The following DENND4A variants were observed in gnomAD, a reference collection of about 807,000 sequenced individuals.
DENND4A encodes the protein C-myc promoter-binding protein.
In DENND4A, 70 loss-of-function variants were observed where a neutral mutation model predicts 199.3. That is an observed-to-expected ratio of 0.35 (90% CI 0.29 to 0.43). DENND4A has a LOEUF of 0.43. Ranked by LOEUF, DENND4A falls within the 20% of genes least tolerant of loss-of-function variation. The probability of loss-of-function intolerance (pLI) is 1.00; values close to 1 mark genes in which losing one functional copy is unlikely to be tolerated. For synonymous variants in DENND4A, 686 were observed against 766.9 expected, an observed-to-expected ratio of 0.89 and a Z score of 1.74; for missense variants, 1,723 against 2,255.8, an observed-to-expected ratio of 0.76 and a Z score of 4.78.
intron 3 of DENND4A, among the ~76,000 whole-genome samples, chr15:65,752,872 C>A (rs1472820399): frequency 1.3e-5 from 2 of 152,088 alleles, no homozygotes; most frequent in Non-Finnish European, 2.9e-5. Flanking sequence ...GAGAAAGGTA[C>A]AATTAAATGT....
chr15:65,683,796 G>A (rs905234118), intron 23 of DENND4A, among the ~76,000 whole-genome samples: 12 of 152,080 alleles, frequency 7.9e-5, no homozygotes, highest in African/African-American at 2.9e-4. Context: ...AATAATCTTT[G>A]TAGTAAATTT....
chr15:65,719,516 C>G (rs1042717130), intron 12 of DENND4A, among the ~76,000 whole-genome samples: 1 of 151,972 alleles, frequency 6.6e-6, no homozygotes, highest in Admixed American at 6.6e-5. Flanking sequence ...AATAATGGGA[C>G]AAAGCAAAAT....
In DENND4A at chr15:65,670,072, A is replaced by C. The variant is rs1346149874; in HGVS notation, c.4581T>G (p.Cys1527Trp). The change falls in exon 26 of 33, where the codon TGT becomes TGG. Residue 1527 changes from cysteine to tryptophan, a missense_variant. Around this residue, in one of 6 missense-constraint regions of DENND4A, gnomAD observed 141 missense variants for 170.7 expected, o/e 0.83. Coordinates refer to ENST00000443035, the MANE Select transcript of DENND4A (RefSeq NM_001320835.1). The part of the protein sequence containing the change: ...DSNLNTTCPF[C>W]GNIFLPFLNI... ...TCAGAAAGGGTAAGAAGATATTGCC[A>C]CAGAATGGGCATGTAGTATTGAGAT... is the stretch of plus-strand genomic sequence containing the variant. 1 of 1,604,588 alleles carries C rather than the reference A, an allele frequency of 6.2e-7. No homozygotes were observed. Among genetic ancestry groups the C allele is most frequent in the Non-Finnish European group, 8.5e-7 (1 of 1,174,944 alleles).
At chr15:65,741,114 G>T (rs1039964955) in intron 5 of DENND4A, among the ~76,000 whole-genome samples, 1 of 152,030 alleles carries the variant, frequency 6.6e-6, no homozygotes, top group African/African-American at 2.4e-5. Context: ...TAAAGATGGG[G>T]TCTATGTTGC....
chr15:65,677,054 TGATTA>T (rs1350709508), intron 23 of DENND4A, among the ~76,000 whole-genome samples: 6 of 152,222 alleles, frequency 3.9e-5, no homozygotes, highest in African/African-American at 1.4e-4. Flanking sequence ...AATCTTTTTC[TGATTA>T]TATTAAAAAT....
intron 11 of DENND4A, chr15:65,725,989 T>C (rs1453620276): frequency 6.6e-6 from 1 of 152,140 alleles, no homozygotes; most frequent in Non-Finnish European, 1.5e-5. Flanking sequence ...CTCCACCGGT[T>C]TGGGAGGGTG....
At chr15:65,731,044 A>G (rs901135849) in intron 9 of DENND4A, among the ~76,000 whole-genome samples, 52 of 152,056 alleles carry the variant, frequency 3.4e-4, no homozygotes, top group Admixed American at 1.5e-3. Context: ...AATAATCTGC[A>G]ATTCTTACAA....
intron 1 of DENND4A, among the ~76,000 whole-genome samples, chr15:65,764,971 CCAAA>C (rs2076944402): frequency 2.2e-5 from 2 of 89,132 alleles, no homozygotes. Context: ...GACCCTGTCT[CCAAA>C]AAAAAAAAAA....
At chr15:65,728,302 C>A (rs1386190059) in intron 11 of DENND4A, among the ~76,000 whole-genome samples, 2 of 151,674 alleles carry the variant, frequency 1.3e-5, no homozygotes, top group Admixed American at 1.3e-4. Context: ...CACGCCCAGT[C>A]TATATTTAAG....
rs750180940 is a variant in DENND4A, at chr15:65,669,937, A to G, written c.4641-12T>C. 6.2e-7 allele frequency: 1 copy of G among 1,611,978 alleles called. No homozygotes were observed. The highest frequency in any genetic ancestry group is 8.5e-7 in the Non-Finnish European group (1 of 1,178,428). On this transcript the variant is annotated splice_polypyrimidine_tract_variant and intron_variant, in intron 26 of 32. Coordinates refer to ENST00000443035, the MANE Select transcript of DENND4A (RefSeq NM_001320835.1). ...ACTTTAGAAAGTATCTGTAATGTGAATCGAAGGAACTTTTTGAGAAAAGAG... is the reference window on the plus strand; with the variant it reads ...ACTTTAGAAAGTATCTGTAATGTGAGTCGAAGGAACTTTTTGAGAAAAGAG...
At chr15:65,717,080 C>T (rs1004269740) in intron 13 of DENND4A, among the ~76,000 whole-genome samples, 34 of 152,250 alleles carry the variant, frequency 2.2e-4, no homozygotes, top group African/African-American at 8.2e-4. Context: ...AAGTTGTTCA[C>T]TCTTTATTTC....
intron 23 of DENND4A, among the ~76,000 whole-genome samples, chr15:65,686,384 G>A (rs1288416635): frequency 6.6e-6 from 1 of 152,172 alleles, no homozygotes; most frequent in East Asian, 1.9e-4. Context: ...GTAGCTGATT[G>A]TGTTGCTGAG....
At chr15:65,682,867 G>A (rs1018671275) in intron 23 of DENND4A, among the ~76,000 whole-genome samples, 4 of 152,164 alleles carry the variant, frequency 2.6e-5, no homozygotes, top group African/African-American at 9.7e-5. Context: ...GAGAGAGTCA[G>A]GAGAATGGCC....
At chr15:65,691,981 T>C (rs1216381246) in intron 22 of DENND4A, among the ~76,000 whole-genome samples, 1 of 150,542 alleles carries the variant, frequency 6.6e-6, no homozygotes, top group Non-Finnish European at 1.5e-5. Context: ...TTTTTTTAAT[T>C]TGCTAGACAC....
chr15:65,755,132 AAGTC>A (rs1430016604), intron 3 of DENND4A, among the ~76,000 whole-genome samples: 1 of 152,248 alleles, frequency 6.6e-6, no homozygotes, highest in Non-Finnish European at 1.5e-5. Context: ...TTATGCTAAG[AAGTC>A]AGTCAAAAAA....
chr15:65,767,450 T>G (rs578025570), intron 1 of DENND4A: 1 of 152,294 alleles, frequency 6.6e-6, no homozygotes, highest in South Asian at 2.1e-4. Flanking sequence ...TGAATGATTA[T>G]TTATTTATTT....
At chr15:65,724,654 C>T (rs528178388) in intron 11 of DENND4A, among the ~76,000 whole-genome samples, 1 of 152,172 alleles carries the variant, frequency 6.6e-6, no homozygotes, top group East Asian at 1.9e-4. Context: ...TGGAATTTGT[C>T]CCCTCTATCT....
chr15:65,661,758 A>C lies in DENND4A; in HGVS notation c.*93T>G. On this transcript the variant is annotated 3_prime_UTR_variant, in exon 33 of 33. Transcript: ENST00000443035. The stretch of plus-strand genomic sequence containing the variant: ...TGAACCATTTACAAATTGTATTTTC[A>C]AAAATTGAAGAAAAAATATTTAGAG... 1.7e-6 allele frequency: 2 copies of C among 1,179,484 alleles called. No individual in the cohort carries two copies. Among genetic ancestry groups the C allele is most frequent in the Non-Finnish European group, 2.3e-6 (2 of 871,114 alleles). The allele number at this position is 1,179,484 out of a possible 1,614,324, so 73.1% of individuals were successfully genotyped here. A position where few individuals can be genotyped will look rare whatever the true frequency, so the allele number is the denominator to read the frequency against.
intron 1 of DENND4A, among the ~76,000 whole-genome samples, chr15:65,766,083 T>C (rs2437144): frequency 0.2 from 30,077 of 151,928 alleles, 3,999 homozygotes; most frequent in East Asian, 0.73. Flanking sequence ...ACCCTGTCTC[T>C]ACTAAAAAAT....
Sources: allele counts gnomAD v4.1 joint callset (sites outside exome capture counted in the v4.1 genomes callset), GRCh38; gene constraint gnomAD v4.1.1; regional missense constraint gnomAD v4.1.1; transcripts MANE v1.5; gene names NCBI Gene and HGNC (gene_info 2026-07-23, HGNC 2026-07-21).